STAC: variants seen among roughly 807,000 people sequenced by gnomAD.
STAC encodes SH3 and cysteine rich domain.
A neutral mutation model predicts 48.8 loss-of-function variants in STAC; 43 were observed. The observed-to-expected ratio is 0.88, with a 90% confidence interval of 0.69 to 1.14. The LOEUF (loss-of-function observed/expected upper bound fraction) is 1.14, where lower values mean the gene tolerates loss of function less well. Among genes scored for constraint, STAC ranks in the 50% most tolerant of loss-of-function variants. STAC has a pLI of 0.00. For synonymous variants in STAC, 193 were observed against 179.5 expected (o/e 1.07, Z -0.60); for missense variants, 497 against 504.0 (o/e 0.99, Z 0.13).
intron 8 of STAC, among the ~76,000 whole-genome samples, chr3:36,508,505 A>G (rs1295302043): frequency 6.6e-6 from 1 of 152,078 alleles, no homozygotes; most frequent in Non-Finnish European, 1.5e-5. Flanking sequence ...GATCTGTCTA[A>G]TATTTACAGT....
At chr3:36,531,587 C>T (rs1699066500) in intron 10 of STAC, among the ~76,000 whole-genome samples, 1 of 152,150 alleles carries the variant, frequency 6.6e-6, no homozygotes. Flanking sequence ...TAAGAGGTCT[C>T]ACCACAGCCC....
chr3:36,483,289 A>C (rs1292442001), intron 3 of STAC, among the ~76,000 whole-genome samples, 197 bp downstream of exon 3: 1 of 152,254 alleles, frequency 6.6e-6, no homozygotes, highest in Non-Finnish European at 1.5e-5. Flanking sequence ...ACAATGCCCC[A>C]CCTTGAAAGG....
intron 8 of STAC, among the ~76,000 whole-genome samples, chr3:36,528,024 C>T (rs1220319115): frequency 2.6e-5 from 4 of 152,014 alleles, no homozygotes; most frequent in Non-Finnish European, 5.9e-5. Flanking sequence ...AAAAAAAATA[C>T]ATGAACATAT....
intron 1 of STAC, among the ~76,000 whole-genome samples, chr3:36,402,153 G>A (rs1700009928): frequency 1.3e-5 from 2 of 152,096 alleles, no homozygotes; most frequent in Admixed American, 6.6e-5. Context: ...TGGCTTGTAG[G>A]AAAAGCTCTT....
At chr3:36,464,712 T>A (rs1697116126) in intron 2 of STAC, among the ~76,000 whole-genome samples, 1 of 152,212 alleles carries the variant, frequency 6.6e-6, no homozygotes, top group Admixed American at 6.5e-5. Context: ...TCCTGAGTTA[T>A]TTCCATTCCT....
At chr3:36,473,224 C>T (rs1697389458) in intron 2 of STAC, among the ~76,000 whole-genome samples, 1 of 152,074 alleles carries the variant, frequency 6.6e-6, no homozygotes, top group South Asian at 2.1e-4. Flanking sequence ...ATTCAATTAC[C>T]TCCCCCTGGG....
chr3:36,446,688 T>G (rs1696516320), intron 2 of STAC, among the ~76,000 whole-genome samples: 2 of 152,354 alleles, frequency 1.3e-5, no homozygotes, highest in East Asian at 3.9e-4. Context: ...ATGAGTCTAC[T>G]TCATCAAATA....
At chr3:36,474,935 G>C (rs1350722985) in intron 2 of STAC, among the ~76,000 whole-genome samples, 1 of 152,042 alleles carries the variant, frequency 6.6e-6, no homozygotes, top group Non-Finnish European at 1.5e-5. Flanking sequence ...GAATACAGAA[G>C]TAAAAAAGTA....
At chr3:36,486,310 G>T (rs1310496120) in intron 5 of STAC, 61 bp downstream of exon 5, 11 of 1,448,282 alleles carry the variant, frequency 7.6e-6, no homozygotes, top group African/African-American at 1.4e-5. Flanking sequence ...CGGGCCTCAG[G>T]CACTGCAGTA....
intron 1 of STAC, among the ~76,000 whole-genome samples, chr3:36,387,557 G>A (rs745435304): frequency 9.2e-5 from 14 of 151,892 alleles, no homozygotes; most frequent in Non-Finnish European, 1.8e-4. Context: ...TGACTATTCC[G>A]GGTTTACCAT....
In STAC at chr3:36,506,984, G is replaced by A. The variant is rs529094759; in HGVS notation, c.920+1150G>A. On this transcript the variant is annotated intron_variant, in intron 8 of 10. Transcript: ENST00000273183. ...ATGTTGAATAGGAGTGGTGAGAGAGGGCATCCTTGTCTTGTGCTGGTTTTG... is the reference window on the plus strand; with the variant it reads ...ATGTTGAATAGGAGTGGTGAGAGAGAGCATCCTTGTCTTGTGCTGGTTTTG... 4.6e-5 allele frequency among the ~76,000 whole-genome samples: 7 copies of A among 152,284 alleles called. No homozygotes were observed. In the South Asian group the frequency reaches 1.5e-3, roughly 32 times the overall value.
At chr3:36,517,473 G>A (rs1177424783) in intron 8 of STAC, among the ~76,000 whole-genome samples, 5 of 152,092 alleles carry the variant, frequency 3.3e-5, no homozygotes, top group African/African-American at 1.2e-4. Flanking sequence ...AACATGGAAA[G>A]ACACCATCTC....
At chr3:36,516,049 T>A (rs2125721626) in intron 8 of STAC, among the ~76,000 whole-genome samples, 1 of 138,752 alleles carries the variant, frequency 7.2e-6, no homozygotes, top group East Asian at 2.4e-4. Context: ...AGTGGCGCAA[T>A]CTTGGCTCAC....
At chr3:36,461,690 G>T (rs999177544) in intron 2 of STAC, among the ~76,000 whole-genome samples, 1 of 152,138 alleles carries the variant, frequency 6.6e-6, no homozygotes, top group Non-Finnish European at 1.5e-5. Context: ...AAGATAATAT[G>T]AGTAAATTTT....
intron 1 of STAC, among the ~76,000 whole-genome samples, chr3:36,396,614 G>A (rs1699862992): frequency 1.3e-5 from 2 of 152,104 alleles, no homozygotes; most frequent in African/African-American, 4.8e-5. Context: ...AATGTTCCAA[G>A]CATTTTTCCT....
At chr3:36,413,471 GT>G (rs1442140200) in intron 1 of STAC, among the ~76,000 whole-genome samples, 1 of 152,144 alleles carries the variant, frequency 6.6e-6, no homozygotes, top group Non-Finnish European at 1.5e-5. Context: ...TTTAAAGTCT[GT>G]TTTATCAGAG....
At chr3:36,415,878 G>A (rs954811184) in intron 1 of STAC, among the ~76,000 whole-genome samples, 6 of 152,054 alleles carry the variant, frequency 3.9e-5, no homozygotes, top group Non-Finnish European at 5.9e-5. Flanking sequence ...CATCTGTTTC[G>A]GAGTTCTATG....
intron 1 of STAC, among the ~76,000 whole-genome samples, chr3:36,439,071 T>TCCTC (rs1310933955): frequency 6.6e-6 from 1 of 152,072 alleles, no homozygotes; most frequent in Non-Finnish European, 1.5e-5. Context: ...TCTCCTCCAC[T>TCCTC]CCTCCATCCA....
At chr3:36,499,245 T>G (rs904266511) in intron 6 of STAC, among the ~76,000 whole-genome samples, 1 of 152,188 alleles carries the variant, frequency 6.6e-6, no homozygotes, top group African/African-American at 2.4e-5. Flanking sequence ...AAACATGTGG[T>G]TAAATCTAAG....
Sources: allele counts gnomAD v4.1 joint callset (sites outside exome capture counted in the v4.1 genomes callset), GRCh38; gene constraint gnomAD v4.1.1; transcripts MANE v1.5; gene names NCBI Gene and HGNC (gene_info 2026-07-23, HGNC 2026-07-21).